MYH9: variants seen among roughly 807,000 people sequenced by gnomAD.
MYH9 encodes myosin-9.
Under a neutral mutation model 241.9 loss-of-function variants are expected in MYH9, and 29 were observed. The ratio of observed to expected loss-of-function variants is 0.12; its 90% CI spans 0.09 to 0.16. The LOEUF is 0.16. MYH9 is among the 10% of genes least tolerant of loss of function. The pLI is 1.00. For synonymous variants in MYH9, 1,047 were observed against 1,062.6 expected, an observed-to-expected ratio of 0.99 and a Z score of 0.29; for missense variants, 1,803 against 2,595.5, an observed-to-expected ratio of 0.69 and a Z score of 6.63.
chr22:36,312,355 C>CA lies in MYH9; in HGVS notation c.1555-134dup, dbSNP rs34645860. 0.59 allele frequency: 500,682 copies of CA among 846,482 alleles called. 159,583 individuals are homozygous for CA. The highest frequency in any genetic ancestry group is 0.67 in the Non-Finnish European group (367,074 of 547,152). The allele number at this position is 846,482 out of a possible 1,614,324, so 52.4% of individuals were successfully genotyped here. On this transcript the variant is annotated intron_variant, in intron 13 of 40. Coordinates refer to ENST00000216181, the MANE Select transcript of MYH9 (RefSeq NM_002473.6). The stretch of plus-strand genomic sequence containing the variant: ...TGGGCGACACACTCCCCAGGAGAAG[C>CA]AAAGCACTGTTGAAGATTTCTAGCT...
chr22:36,347,009 AAG>A (rs2146390417), intron 2 of MYH9, among the ~76,000 whole-genome samples: 1 of 152,318 alleles, frequency 6.6e-6, no homozygotes, highest in Admixed American at 6.5e-5. Context: ...TAAAGAAATA[AAG>A]AGCTATTTTA....
At chr22:36,352,777 G>A (rs1328924649) in intron 1 of MYH9, among the ~76,000 whole-genome samples, 2 of 152,172 alleles carry the variant, frequency 1.3e-5, no homozygotes, top group African/African-American at 4.8e-5. Flanking sequence ...AAGGACCAAG[G>A]CTCCAGCTGA....
intron 2 of MYH9, among the ~76,000 whole-genome samples, chr22:36,345,898 C>G (rs1832372283): frequency 6.6e-6 from 1 of 152,188 alleles, no homozygotes; most frequent in Non-Finnish European, 1.5e-5. Flanking sequence ...CCTGTAATCC[C>G]AGCACTTTGG....
intron 31 of MYH9, among the ~76,000 whole-genome samples, chr22:36,290,759 C>T (rs991834467): frequency 4.6e-5 from 7 of 150,878 alleles, no homozygotes; most frequent in Non-Finnish European, 7.4e-5. Context: ...TCTGCCCGGC[C>T]GCCCATCGTC....
At chr22:36,364,428 CA>C (rs918592082) in intron 1 of MYH9, among the ~76,000 whole-genome samples, 1 of 152,146 alleles carries the variant, frequency 6.6e-6, no homozygotes, top group Admixed American at 6.5e-5. Flanking sequence ...CTGCGTCACC[CA>C]CTCTTAAGTG....
At position 36,306,270 on chromosome 22, in the gene MYH9, G is replaced by T; in HGVS notation, c.2037+144C>A. On this transcript the variant is annotated intron_variant, in intron 16 of 40. Coordinates refer to ENST00000216181, the MANE Select transcript of MYH9 (RefSeq NM_002473.6). The surrounding 1 kb of genome is among the most constrained non-coding windows in gnomAD (Gnocchi z 4.1). The stretch of plus-strand genomic sequence containing the variant: ...TGAATGTAGCGTATCTCCTAAGCGA[G>T]CCAAGGCCCACCCTGCAGAGAAACG... 1 of 1,292,790 alleles carries T rather than the reference G, an allele frequency of 7.7e-7. No individual in the cohort carries two copies. Among genetic ancestry groups the T allele is most frequent in the Non-Finnish European group, 1.1e-6 (1 of 922,784 alleles). 80.1% of individuals were successfully genotyped at this position (1,292,790 alleles called of 1,614,324 possible). A position where few individuals can be genotyped will look rare whatever the true frequency, so the allele number is the denominator to read the frequency against.
At position 36,296,885 on chromosome 22, in the gene MYH9, T is replaced by G; in HGVS notation, c.3230A>C (p.Gln1077Pro). The stretch of plus-strand genomic sequence containing the variant: ...GAGCTCCTCCTCTTTCTTGGCCAGC[T>G]GCATCTTGAGCTCCGCGATCTGGGC... ...LQAQIAELKMQLAKKEEELQA... is the reference protein window; with the variant it reads ...LQAQIAELKMPLAKKEEELQA... The change falls in exon 25 of 41, where the codon CAG becomes CCG. Residue 1077 changes from glutamine (Q) to proline (P), a missense_variant. Physicochemically the swap from Gln to Pro is moderately conservative, Grantham distance 76. This residue lies in a region of MYH9 where 290 missense variants were observed against 360.5 expected (regional missense o/e 0.80). Coordinates refer to ENST00000216181, the MANE Select transcript of MYH9 (RefSeq NM_002473.6). 1 of 1,613,472 alleles carries G rather than the reference T, an allele frequency of 6.2e-7. No homozygotes were observed. Among genetic ancestry groups the G allele is most frequent in the Admixed American group, 1.7e-5 (1 of 60,028 alleles).
Position 36,314,295 on chromosome 22 carries a change from G to A in MYH9, c.1404C>T (p.Cys468=). The change falls in exon 13 of 41, where the codon TGC becomes TGT. Residue 468 remains cysteine, a synonymous_variant. Coordinates refer to ENST00000216181, the MANE Select transcript of MYH9 (RefSeq NM_002473.6). ...GCAGCTTCTCATTGGTGTAATTGAT[G>A]CACAGCTGCTCAAACGAGTTCAGCT... The part of the protein sequence containing the change: ...IFDLNSFEQL[C]INYTNEKLQQ... The A allele has an allele frequency of 6.2e-7, 1 of 1,614,210 alleles. No homozygotes were observed. The highest frequency in any genetic ancestry group is 2.2e-5 in the East Asian group (1 of 44,886).
rs780384674 is a variant in MYH9, at chr22:36,285,633, G to C, written c.5274+25C>G. The C allele has an allele frequency of 6.2e-7, 1 of 1,611,536 alleles. No individual in the cohort carries two copies. The highest frequency in any genetic ancestry group is 8.5e-7 in the Non-Finnish European group (1 of 1,180,002). On this transcript the variant is annotated intron_variant, in intron 37 of 40. Transcript: ENST00000216181. The surrounding 1 kb of genome is among the most constrained non-coding windows in gnomAD (Gnocchi z 7.0). Reference sequence around the variant, plus strand: ...CCGTGGTGGCTCCAGCCAGAGCCCAGAGTGGGAGAAGTCCTGGCACCCACC... The same window carrying C: ...CCGTGGTGGCTCCAGCCAGAGCCCACAGTGGGAGAAGTCCTGGCACCCACC...
rs562801998 is a variant in MYH9, at chr22:36,285,065, G to A, written c.5483+56C>T. 5.0e-4 allele frequency: 779 copies of A among 1,551,362 alleles called. 5 individuals are homozygous for A. Among genetic ancestry groups the A allele is most frequent in the South Asian group, 1.7e-3 (148 of 88,974 alleles). On this transcript the variant is annotated intron_variant, in intron 38 of 40. Transcript: ENST00000216181. This position sits in a 1 kb window ranked among gnomAD's most constrained non-coding sequence, Gnocchi z 7.0. The stretch of plus-strand genomic sequence containing the variant: ...GGCCCAGATTTGGGCAGGACTGCAG[G>A]GGGGCCAGAGTTTTTTCCAGGACAG...
intron 1 of MYH9, among the ~76,000 whole-genome samples, chr22:36,372,047 T>A (rs181551802): frequency 1.7e-4 from 26 of 152,012 alleles, no homozygotes; most frequent in Non-Finnish European, 3.2e-4. Flanking sequence ...AATGAACAAA[T>A]AAATTGAATG....
chr22:36,296,483 G>A (rs1245953349), intron 25 of MYH9, among the ~76,000 whole-genome samples: 1 of 150,920 alleles, frequency 6.6e-6, no homozygotes, highest in Non-Finnish European at 1.5e-5. Context: ...TGATCCACCC[G>A]GCTTGGCCTC....
intron 5 of MYH9, among the ~76,000 whole-genome samples, chr22:36,323,429 T>G (rs2017287247): frequency 6.6e-6 from 1 of 152,170 alleles, no homozygotes; most frequent in South Asian, 2.1e-4. Context: ...GGGAGTTGGT[T>G]CCCCTTAATG....
chr22:36,353,707 T>C (rs1795949309), intron 1 of MYH9, among the ~76,000 whole-genome samples: 1 of 151,976 alleles, frequency 6.6e-6, no homozygotes, highest in South Asian at 2.1e-4. Flanking sequence ...AAAAGAAAAA[T>C]AATCCCCTAA....
At position 36,348,934 on chromosome 22, in the gene MYH9, G is replaced by C; in HGVS notation, c.303C>G (p.Leu101=). 1 of 1,613,550 alleles carries C rather than the reference G, an allele frequency of 6.2e-7. No individual in the cohort carries two copies. Among genetic ancestry groups the C allele is most frequent in the Non-Finnish European group, 8.5e-7 (1 of 1,179,972 alleles). The change falls in exon 2 of 41, where the codon CTC becomes CTG. Residue 101 remains leucine, a synonymous_variant. Coordinates refer to ENST00000216181, the MANE Select transcript of MYH9 (RefSeq NM_002473.6). ...TGAGCCCTGAGTAGTAACGCTCCTTGAGGTTGTGCAGCACCGAGGCTTCGT... is the reference window on the plus strand; with the variant it reads ...TGAGCCCTGAGTAGTAACGCTCCTTCAGGTTGTGCAGCACCGAGGCTTCGT... ...CLNEASVLHN[L]KERYYSGLIY...
intron 4 of MYH9, among the ~76,000 whole-genome samples, chr22:36,327,031 T>C (rs2017346807): frequency 6.6e-6 from 1 of 152,236 alleles, no homozygotes; most frequent in Middle Eastern, 3.2e-3. Context: ...CCATTAACTC[T>C]CTTGGCAATG....
chr22:36,289,017 A>T, intron 32 of MYH9, 68 bp downstream of exon 32: 5 of 1,612,650 alleles, frequency 3.1e-6, no homozygotes, highest in Non-Finnish European at 3.4e-6. Flanking sequence ...GTCTGTGCAC[A>T]CACCGACCCT....
intron 13 of MYH9, among the ~76,000 whole-genome samples, chr22:36,313,714 C>T (rs548444349): frequency 2.6e-5 from 4 of 152,280 alleles, no homozygotes; most frequent in Admixed American, 2.6e-4. Context: ...GGGCAGAGCA[C>T]TCAATGCCCA....
chr22:36,309,845 A>T (rs1373244438), intron 14 of MYH9, among the ~76,000 whole-genome samples: 2 of 152,146 alleles, frequency 1.3e-5, no homozygotes. Context: ...TGTCAGTTTC[A>T]TCTTTTTGGA....
Sources: gnomAD v4.1 joint callset for allele counts (sites outside exome capture counted in the v4.1 genomes callset) on GRCh38, gnomAD v4.1.1 for gene constraint, gnomAD v4.1.1 regional missense constraint, Gnocchi (gnomAD v3.1) non-coding constraint, MANE v1.5 for transcripts, NCBI Gene and HGNC (gene_info 2026-07-23, HGNC 2026-07-21) for gene names.